Variants in NRXN3 observed in about 807,000 individuals in gnomAD.
NRXN3 encodes neurexin III.
Under a neutral mutation model 137.6 loss-of-function variants are expected in NRXN3, and 32 were observed. The observed-to-expected ratio is 0.23, with a 90% CI of 0.18 to 0.31. The LOEUF (loss-of-function observed/expected upper bound fraction) is 0.31. Among genes scored for constraint, NRXN3 ranks in the 10% least tolerant of loss-of-function variants. NRXN3 has a pLI of 1.00. For missense variants in NRXN3, 1,574 were observed against 2,062.5 expected, an observed-to-expected ratio of 0.76 and a Z score of 4.59; for synonymous variants, 798 against 784.5, an observed-to-expected ratio of 1.02 and a Z score of -0.29.
chr14:79,357,956 A>G (rs914000915), intron 15 of NRXN3, among the ~76,000 whole-genome samples: 4 of 152,078 alleles, frequency 2.6e-5, no homozygotes, highest in African/African-American at 9.7e-5. Flanking sequence ...TAGCTCCCAC[A>G]CTAGGAAGGG....
At chr14:78,751,817 T>C (rs1265973949) in intron 8 of NRXN3, among the ~76,000 whole-genome samples, 1 of 152,122 alleles carries the variant, frequency 6.6e-6, no homozygotes, top group Non-Finnish European at 1.5e-5. Context: ...TGGGAGCTTG[T>C]TAGAAATGCA....
At chr14:78,247,556 T>A (rs1035365836) in intron 2 of NRXN3, among the ~76,000 whole-genome samples, 1 of 152,198 alleles carries the variant, frequency 6.6e-6, no homozygotes, top group African/African-American at 2.4e-5. Context: ...CAACTAGACT[T>A]GTTCATGTTG....
At chr14:79,652,993 A>G (rs1453406081) in intron 16 of NRXN3, among the ~76,000 whole-genome samples, 1 of 151,980 alleles carries the variant, frequency 6.6e-6, no homozygotes, top group Non-Finnish European at 1.5e-5. Context: ...GAAGAAGAGA[A>G]CCATAAAATA....
At chr14:79,093,782 T>C (rs1301066532) in intron 15 of NRXN3, among the ~76,000 whole-genome samples, 1 of 145,074 alleles carries the variant, frequency 6.9e-6, no homozygotes, top group Admixed American at 7.2e-5. Flanking sequence ...CAATTGTGCC[T>C]GAGGCTGGAG....
intron 4 of NRXN3, among the ~76,000 whole-genome samples, chr14:78,450,427 G>A (rs529586702): frequency 1.3e-5 from 2 of 152,278 alleles, no homozygotes; most frequent in South Asian, 2.1e-4. Flanking sequence ...GCTGGGTAGG[G>A]CAGGAACTGT....
At chr14:78,363,224 T>A (rs1345187202) in intron 4 of NRXN3, among the ~76,000 whole-genome samples, 1 of 152,148 alleles carries the variant, frequency 6.6e-6, no homozygotes, top group Non-Finnish European at 1.5e-5. Context: ...GGCGTGAGCA[T>A]CCACTCTGCA....
At chr14:78,310,919 A>G (rs766777045) in intron 4 of NRXN3, among the ~76,000 whole-genome samples, 4 of 152,204 alleles carry the variant, frequency 2.6e-5, no homozygotes, top group Non-Finnish European at 4.4e-5. Flanking sequence ...CTTAGCTAAC[A>G]TACATAAGCA....
At chr14:78,285,350 G>A (rs1305202974) in intron 3 of NRXN3, among the ~76,000 whole-genome samples, 1 of 152,132 alleles carries the variant, frequency 6.6e-6, no homozygotes, top group Non-Finnish European at 1.5e-5. Flanking sequence ...TGTTGAGCTT[G>A]TATTTTAAGC....
intron 16 of NRXN3, chr14:79,632,414 G>A (rs1567724303): frequency 6.6e-6 from 1 of 152,396 alleles, no homozygotes; most frequent in African/African-American, 2.4e-5. Flanking sequence ...AGATTAGAAG[G>A]AGCCAGTGAT....
intron 20 of NRXN3, among the ~76,000 whole-genome samples, chr14:79,818,344 C>T (rs994542613): frequency 5.3e-5 from 8 of 152,106 alleles, no homozygotes; most frequent in African/African-American, 9.7e-5. Flanking sequence ...TGAGCCACCG[C>T]GCCCGGCCGC....
rs185445071 is a variant in NRXN3 at position 79,002,680 on chromosome 14, C to T, written c.3262+14539C>T. 2.1e-3 allele frequency among the ~76,000 whole-genome samples: 314 copies of T among 152,152 alleles called. 1 individual carries two copies. The highest frequency in any genetic ancestry group is 6.5e-3 in the African/African-American group (271 of 41,502). On this transcript the variant is annotated intron_variant, in intron 15 of 20. Coordinates refer to ENST00000335750, the MANE Select transcript of NRXN3 (RefSeq NM_001330195.2). ...TGTGAATAGTGCTGCAATGAACATACGCATGCATGTATCTTTGTAATAGAA... is the reference window on the plus strand; with the variant it reads ...TGTGAATAGTGCTGCAATGAACATATGCATGCATGTATCTTTGTAATAGAA...
At chr14:79,006,999 G>A (rs957011751) in intron 15 of NRXN3, among the ~76,000 whole-genome samples, 6 of 152,102 alleles carry the variant, frequency 3.9e-5, no homozygotes, top group Admixed American at 1.3e-4. Context: ...TATTTTCTGC[G>A]TCAATTTGAT....
intron 1 of NRXN3, among the ~76,000 whole-genome samples, chr14:78,234,291 A>G (rs2065874848): frequency 6.6e-6 from 1 of 152,236 alleles, no homozygotes; most frequent in Non-Finnish European, 1.5e-5. Context: ...GCTAGCATGA[A>G]ATAATAAGCA....
chr14:78,297,064 T>G (rs953887198), intron 3 of NRXN3, among the ~76,000 whole-genome samples: 4 of 152,236 alleles, frequency 2.6e-5, no homozygotes, highest in Non-Finnish European at 5.9e-5. Flanking sequence ...AGCCAGAGGT[T>G]CTGTTATCTA....
At chr14:78,651,443 C>T (rs2152628741) in intron 6 of NRXN3, 117 bp downstream of exon 6, 2 of 1,170,090 alleles carry the variant, frequency 1.7e-6, no homozygotes, top group African/African-American at 1.5e-5. Flanking sequence ...TAGATTGCAG[C>T]AGAAACAACC....
At chr14:79,025,185 A>G (rs2099595996) in intron 15 of NRXN3, among the ~76,000 whole-genome samples, 2 of 151,974 alleles carry the variant, frequency 1.3e-5, no homozygotes, top group African/African-American at 2.4e-5. Flanking sequence ...CTTTCTTTTC[A>G]TAGTCTTTAT....
At chr14:79,604,401 A>C (rs1224449229) in intron 16 of NRXN3, among the ~76,000 whole-genome samples, 2 of 144,452 alleles carry the variant, frequency 1.4e-5, no homozygotes, top group East Asian at 4.3e-4. Context: ...TGCCCAGCTA[A>C]TTTTTGTATT....
chr14:78,931,278 G>T (rs940925412), intron 10 of NRXN3, among the ~76,000 whole-genome samples: 3 of 152,122 alleles, frequency 2.0e-5, no homozygotes, highest in African/African-American at 7.2e-5. Context: ...TTGGGGAGCA[G>T]GTTGGTTGTT....
intron 10 of NRXN3, among the ~76,000 whole-genome samples, chr14:78,901,477 T>G (rs2099196199): frequency 6.6e-6 from 1 of 152,040 alleles, no homozygotes; most frequent in South Asian, 2.1e-4. Flanking sequence ...TCATAGCTTA[T>G]GAAATAAAAG....
Sources: gnomAD v4.1 joint callset for allele counts (sites outside exome capture counted in the v4.1 genomes callset) on GRCh38, gnomAD v4.1.1 for gene constraint, MANE v1.5 for transcripts, NCBI Gene and HGNC (gene_info 2026-07-23, HGNC 2026-07-21) for gene names.